The following NETO1 variants were observed in gnomAD, a reference collection of about 807,000 sequenced individuals.
NETO1 encodes neuropilin and tolloid like 1, also known as neuropilin and tolloid-like protein 1.
NETO1 carries 26 observed loss-of-function variants against 61.3 expected under a neutral mutation model. That is an observed-to-expected ratio of 0.42 (90% CI 0.31 to 0.59). NETO1 has a LOEUF of 0.59. Among genes scored for constraint, NETO1 ranks in the 20% least tolerant of loss-of-function variants. The probability of loss-of-function intolerance (pLI) is 0.12; values close to 1 mark genes in which losing one functional copy is unlikely to be tolerated. For synonymous variants in NETO1, 225 were observed against 225.8 expected (o/e 1.00, Z 0.03); for missense variants, 531 against 662.8 (o/e 0.80, Z 2.18).
At position 72,750,252 on chromosome 18, in the gene NETO1, C is replaced by T. The variant is rs1189385523; in HGVS notation, c.1351G>A (p.Asp451Asn). Residue 451 changes from aspartate to asparagine, a missense_variant, in exon 9 of 11, where the codon GAT (aspartate) becomes AAT (asparagine). Transcript: ENST00000327305. ...KGSRSNLSTRDASILTEMPTQ... is the reference protein window; with the variant it reads ...KGSRSNLSTRNASILTEMPTQ... ...GGCATCTCTGTCAAGATAGAAGCAT[C>T]TCTTGTGCTGAGGTTACTGCGGCTG... The T allele has an allele frequency of 1.2e-6, 2 of 1,613,954 alleles. No homozygotes were observed. Among genetic ancestry groups the T allele is most frequent in the Non-Finnish European group, 1.7e-6 (2 of 1,180,002 alleles).
intron 7 of NETO1, among the ~76,000 whole-genome samples, chr18:72,767,268 T>C (rs548365906): frequency 2.6e-5 from 4 of 152,296 alleles, no homozygotes; most frequent in African/African-American, 9.6e-5. Context: ...ATATGCTGTG[T>C]ATTTTCAGGG....
chr18:72,800,802 A>C (rs551728665), intron 4 of NETO1, among the ~76,000 whole-genome samples: 1 of 152,114 alleles, frequency 6.6e-6, no homozygotes, highest in Admixed American at 6.5e-5. Flanking sequence ...ACTGAATTTA[A>C]CATGTCTCTT....
chr18:72,796,904 A>C (rs1461559953), intron 4 of NETO1, among the ~76,000 whole-genome samples: 1 of 152,254 alleles, frequency 6.6e-6, no homozygotes, highest in Non-Finnish European at 1.5e-5. Context: ...CTAAATCAAT[A>C]GATATATAGT....
chr18:72,812,120 AGTG>A (rs2072887533), intron 4 of NETO1, among the ~76,000 whole-genome samples: 1 of 152,230 alleles, frequency 6.6e-6, no homozygotes, highest in African/African-American at 2.4e-5. Context: ...ATGGTGTTTA[AGTG>A]GTGAAATCAC....
At chr18:72,855,079 T>C (rs769958567) in intron 4 of NETO1, among the ~76,000 whole-genome samples, 6 of 152,234 alleles carry the variant, frequency 3.9e-5, no homozygotes, top group African/African-American at 7.2e-5. Flanking sequence ...ACTTTTGATA[T>C]GTCTTCTATT....
chr18:72,792,153 T>G (rs1245417238), intron 6 of NETO1, among the ~76,000 whole-genome samples: 3 of 152,092 alleles, frequency 2.0e-5, no homozygotes, highest in Non-Finnish European at 4.4e-5. Flanking sequence ...GGTTCTTCAC[T>G]GGGCGTGGTG....
At chr18:72,762,114 T>A (rs907735716) in intron 7 of NETO1, among the ~76,000 whole-genome samples, 1 of 152,048 alleles carries the variant, frequency 6.6e-6, no homozygotes, top group African/African-American at 2.4e-5. Context: ...GAACATAGAA[T>A]AGGGTGGGAG....
At chr18:72,825,840 A>G (rs1342131081) in intron 4 of NETO1, among the ~76,000 whole-genome samples, 1 of 152,178 alleles carries the variant, frequency 6.6e-6, no homozygotes, top group African/African-American at 2.4e-5. Flanking sequence ...ATTTTTAAAA[A>G]TCTTTTCATT....
At chr18:72,839,719 T>C (rs1309223843) in intron 4 of NETO1, among the ~76,000 whole-genome samples, 1 of 152,186 alleles carries the variant, frequency 6.6e-6, no homozygotes, top group Admixed American at 6.5e-5. Context: ...TAGAGTAATA[T>C]CTACATGAAA....
chr18:72,788,125 G>A lies in NETO1; in HGVS notation c.640-4219C>T, dbSNP rs138606561. Among the ~76,000 whole-genome samples, 79 of 152,084 alleles carry A rather than the reference G, an allele frequency of 5.2e-4. 1 individual carries two copies. Among genetic ancestry groups the A allele is most frequent in the Admixed American group, 2.2e-3 (33 of 15,258 alleles). The stretch of plus-strand genomic sequence containing the variant: ...TTTGACAGTTCTATATTTTCCACAA[G>A]AGGTGACTGTCTTGCATTTGTACAT... On this transcript the variant is annotated intron_variant, in intron 6 of 10. Transcript: ENST00000327305.
chr18:72,819,470 C>G (rs1199638482), intron 4 of NETO1, among the ~76,000 whole-genome samples: 1 of 152,106 alleles, frequency 6.6e-6, no homozygotes, highest in Non-Finnish European at 1.5e-5. Flanking sequence ...GACGTTGATA[C>G]TGGATTTATT....
chr18:72,807,756 C>A, intron 4 of NETO1, among the ~76,000 whole-genome samples: 2 of 85,532 alleles, frequency 2.3e-5, no homozygotes, highest in African/African-American at 6.6e-5. Context: ...ACACACACAC[C>A]CATACTGTCC....
chr18:72,750,732 G>A (rs2070575479), intron 8 of NETO1, 112 bp from the exon 9 acceptor site: 1 of 691,564 alleles, frequency 1.4e-6, no homozygotes, highest in Admixed American at 3.2e-5. Flanking sequence ...AGCAGGCTGA[G>A]CACAGAATTT....
rs1202893959 is a variant in NETO1 at position 72,743,873 on chromosome 18, A to G, written c.*4306T>C. On this transcript the variant is annotated 3_prime_UTR_variant, in exon 11 of 11. Transcript: ENST00000327305. The stretch of plus-strand genomic sequence containing the variant: ...AGAGAGGGCACAAAAACAATTTTTC[A>G]AAGAGCAAACCACTATAAAATAGCA... 1 of 152,200 alleles carries G rather than the reference A, an allele frequency of 6.6e-6. No homozygotes were observed. Among genetic ancestry groups the G allele is most frequent in the East Asian group, 1.9e-4 (1 of 5,196 alleles). 9.4% of individuals were successfully genotyped at this position (152,200 alleles called of 1,614,324 possible).
At chr18:72,834,293 A>C in intron 4 of NETO1, 4 of 844,836 alleles carry the variant, frequency 4.7e-6, no homozygotes, top group Non-Finnish European at 5.7e-6. Context: ...TAACAGAAAA[A>C]ATTTCATAAA....
At chr18:72,815,276 AT>A in intron 4 of NETO1, among the ~76,000 whole-genome samples, 1 of 152,362 alleles carries the variant, frequency 6.6e-6, no homozygotes, top group African/African-American at 2.4e-5. Flanking sequence ...GGGAAGATTC[AT>A]TAAGTCACAA....
intron 4 of NETO1, among the ~76,000 whole-genome samples, chr18:72,806,079 T>G (rs78241594): frequency 0.053 from 7,997 of 151,918 alleles, 289 homozygotes; most frequent in East Asian, 0.088. Flanking sequence ...GGGGGGTGGG[T>G]TGGTAGACGA....
At chr18:72,860,847 C>T (rs1183211988) in intron 3 of NETO1, among the ~76,000 whole-genome samples, 2 of 151,772 alleles carry the variant, frequency 1.3e-5, no homozygotes, top group Non-Finnish European at 2.9e-5. Flanking sequence ...AGGAGTTAGA[C>T]CCATTTATGT....
intron 4 of NETO1, among the ~76,000 whole-genome samples, chr18:72,800,687 C>T (rs546242230): frequency 1.3e-5 from 2 of 152,118 alleles, no homozygotes; most frequent in South Asian, 2.1e-4. Context: ...TCCACAAAAC[C>T]GGTCCCTGGT....
Sources: gnomAD v4.1 joint callset for allele counts (sites outside exome capture counted in the v4.1 genomes callset) on GRCh38, gnomAD v4.1.1 for gene constraint, MANE v1.5 for transcripts, NCBI Gene and HGNC (gene_info 2026-07-23, HGNC 2026-07-21) for gene names.